Variants in TRAF2 observed in about 807,000 individuals in gnomAD.
The protein encoded by TRAF2 is TNF receptor associated factor 2, also known as TNF receptor-associated factor 2.
TRAF2 carries 6 observed loss-of-function variants against 55.6 expected under a neutral mutation model. The ratio of observed to expected loss-of-function variants is 0.11; its 90% confidence interval spans 0.06 to 0.21. The LOEUF (loss-of-function observed/expected upper bound fraction) is 0.21. Among genes scored for constraint, TRAF2 ranks in the 10% least tolerant of loss-of-function variants. The probability of loss-of-function intolerance (pLI) is 1.00; values close to 1 mark genes in which losing one functional copy is unlikely to be tolerated. For synonymous variants in TRAF2, 329 were observed against 276.3 expected (o/e 1.19, Z -1.89); for missense variants, 561 against 684.5 (o/e 0.82, Z 2.01).
chr9:136,921,142 C>G lies in TRAF2; in HGVS notation c.1065C>G (p.Ile355Met), dbSNP rs1193136555. The change falls in exon 9 of 11, where the codon ATC (isoleucine) becomes ATG (methionine). Residue 355 changes from isoleucine (I) to methionine (M), a missense_variant. Coordinates refer to ENST00000247668, the MANE Select transcript of TRAF2 (RefSeq NM_021138.4). ...CATCCACCTACGATGGGGTCTTCAT[C>G]TGGAAGATCTCAGACTTCGCCAGGA... ...MEASTYDGVF[I>M]WKISDFARKR... 3 of 1,614,100 alleles carry G rather than the reference C, an allele frequency of 1.9e-6. No homozygotes were observed. The highest frequency in any genetic ancestry group is 1.3e-5 in the African/African-American group (1 of 75,060).
intron 1 of TRAF2, among the ~76,000 whole-genome samples, chr9:136,890,049 C>T (rs933972332): frequency 6.9e-5 from 10 of 145,232 alleles, no homozygotes; most frequent in African/African-American, 2.6e-4. Context: ...CCCCCCCGCA[C>T]GCTCGTTCAG....
At position 136,908,096 on chromosome 9, in the gene TRAF2, C is replaced by G; in HGVS notation, c.393C>G (p.Leu131=). The change falls in exon 5 of 11, where the codon CTC becomes CTG. Residue 131 remains leucine, a synonymous_variant. Coordinates refer to ENST00000247668, the MANE Select transcript of TRAF2 (RefSeq NM_021138.4). ...YESCHEGRCP[L]MLTECPACKG... ...GCTGCCACGAAGGCCGCTGCCCGCT[C>G]ATGCTGACCGAATGTCCCGCGTGCA... The G allele has an allele frequency of 6.2e-7, 1 of 1,605,826 alleles. No individual in the cohort carries two copies. Among genetic ancestry groups the G allele is most frequent in the Non-Finnish European group, 8.5e-7 (1 of 1,179,788 alleles).
chr9:136,908,665 G>C (rs1850018883), intron 5 of TRAF2, among the ~76,000 whole-genome samples: 1 of 152,138 alleles, frequency 6.6e-6, no homozygotes, highest in South Asian at 2.1e-4. Flanking sequence ...AGGAGCTCGA[G>C]ACCATCCTGG....
chr9:136,887,856 A>G (rs764721889), intron 1 of TRAF2, among the ~76,000 whole-genome samples: 11 of 152,256 alleles, frequency 7.2e-5, no homozygotes, highest in Non-Finnish European at 1.5e-4. Flanking sequence ...ATGGGGTTAC[A>G]TATAAAATTG....
At chr9:136,902,392 G>T (rs1337604229) in intron 4 of TRAF2, 1 of 152,384 alleles carries the variant, frequency 6.6e-6, no homozygotes, top group Non-Finnish European at 1.5e-5. Context: ...GTGTCTGGGG[G>T]ACAGGTGGGA....
At chr9:136,907,480 T>C (rs10119096) in intron 4 of TRAF2, among the ~76,000 whole-genome samples, 116,165 of 152,234 alleles carry the variant, frequency 0.76, 44,588 homozygotes, top group East Asian at 0.87. Flanking sequence ...GCGTGTGCTG[T>C]GCAGCTAGAC....
rs1235601013 is a variant in TRAF2 at position 136,920,326 on chromosome 9, C to T, written c.771C>T (p.Leu257=). ...LLSSVLEAKP[L]LGDQSHAGSE... is the part of the protein sequence containing the mutation. The stretch of plus-strand genomic sequence containing the variant: ...GCTCGGTGCTGGAGGCAAAGCCCCT[C>T]TTGGGAGACCAGAGCCACGCGGGGT... The change falls in exon 8 of 11, where the codon CTC becomes CTT. Residue 257 remains leucine, a synonymous_variant. Transcript: ENST00000247668. 1.9e-6 allele frequency: 3 copies of T among 1,614,054 alleles called. No individual in the cohort carries two copies. The highest frequency in any genetic ancestry group is 3.3e-5 in the Admixed American group (2 of 60,030).
chr9:136,904,531 G>A (rs914041003), intron 4 of TRAF2, among the ~76,000 whole-genome samples: 3 of 151,960 alleles, frequency 2.0e-5, no homozygotes, highest in African/African-American at 4.8e-5. Context: ...TCAGCCTCCC[G>A]AGTAGCTAGG....
intron 4 of TRAF2, among the ~76,000 whole-genome samples, chr9:136,903,669 GTTTT>G (rs1211019770): frequency 6.6e-6 from 1 of 151,520 alleles, no homozygotes. Flanking sequence ...CAAGAGAAAG[GTTTT>G]TTTTGTTTGT....
intron 4 of TRAF2, among the ~76,000 whole-genome samples, chr9:136,901,497 A>G (rs1849819394): frequency 6.6e-6 from 1 of 152,228 alleles, no homozygotes; most frequent in African/African-American, 2.4e-5. Flanking sequence ...GCTGAGTGAC[A>G]TGAGCCAGTT....
rs1849766432 is a variant in TRAF2, at chr9:136,899,537, TTTGTTTTTTGCATTAGGTTTCACAGTGGG to T, written c.189-45_189-17del. 2.6e-6 allele frequency: 4 copies of T among 1,537,738 alleles called. No homozygotes were observed. The Admixed American group carries it at 7.3e-5, about 28-fold the overall frequency. ...GGTTTTTGAACTGAAGCAAATGGTG[TTTGTTTTTTGCATTAGGTTTCACAGTGGG>T]TTGTTTTTTGCCTTTTTTCCCCACT... is the stretch of plus-strand genomic sequence containing the variant. On this transcript the variant is annotated intron_variant, in intron 2 of 10. Transcript: ENST00000247668.
chr9:136,900,191 G>A (rs1849784602), intron 3 of TRAF2, among the ~76,000 whole-genome samples: 1 of 150,708 alleles, frequency 6.6e-6, no homozygotes, highest in African/African-American at 2.4e-5. Flanking sequence ...AAGAATAAAG[G>A]GCCGCCAGAA....
rs149167081 is a variant in TRAF2, at chr9:136,919,042, A to ATATATATTTATTTATTTATT, written c.679-1189_679-1188insATATTTATTTATTTATTTAT. Among the ~76,000 whole-genome samples the ATATATATTTATTTATTTATT allele has an allele frequency of 1.5e-3, 202 of 138,380 alleles. 1 individual carries two copies. The highest frequency in any genetic ancestry group is 5.2e-3 in the African/African-American group (190 of 36,588). 90.8% of individuals were successfully genotyped at this position (138,380 alleles called of 152,430 possible). A position where few individuals can be genotyped will look rare whatever the true frequency, so the allele number is the denominator to read the frequency against. On this transcript the variant is annotated intron_variant, in intron 7 of 10. Coordinates refer to ENST00000247668, the MANE Select transcript of TRAF2 (RefSeq NM_021138.4). ...GAGCCACTGCACCTGGCCTATTTTA[A>ATATATATTTATTTATTTATT]TATTTATTTATTTATTTATTTATTT...
At chr9:136,915,681 C>T (rs1405894236) in intron 6 of TRAF2, among the ~76,000 whole-genome samples, 1 of 152,118 alleles carries the variant, frequency 6.6e-6, no homozygotes, top group Non-Finnish European at 1.5e-5. Flanking sequence ...TGGCAAGGGA[C>T]AGCAGAGCCT....
At chr9:136,920,202 G>C (rs1231481427) in intron 7 of TRAF2, 32 bp from the exon 8 acceptor site, 1 of 1,574,834 alleles carries the variant, frequency 6.3e-7, no homozygotes. Context: ...ATGGTGGATG[G>C]AGCCAGCAGC....
chr9:136,895,850 GAAAAAAA>G (rs56199191), intron 1 of TRAF2, among the ~76,000 whole-genome samples: 3,413 of 132,904 alleles, frequency 0.026, 60 homozygotes, highest in Middle Eastern at 0.12. Flanking sequence ...TCTGTTTAAG[GAAAAAAA>G]AAAAAAAAAA....
upstream of TRAF2, among the ~76,000 whole-genome samples, chr9:136,882,496 T>C (rs1386678613): frequency 2.0e-5 from 3 of 152,242 alleles, no homozygotes; most frequent in African/African-American, 7.2e-5. Context: ...GGACAGCAGC[T>C]GCATGTGTCC....
At position 136,898,827 on chromosome 9, in the gene TRAF2, A is replaced by T. The variant is rs1173658899; in HGVS notation, c.87A>T (p.Glu29Asp). The T allele has an allele frequency of 6.2e-7, 1 of 1,613,764 alleles. No individual in the cohort carries two copies. Among genetic ancestry groups the T allele is most frequent in the Non-Finnish European group, 8.5e-7 (1 of 1,180,042 alleles). Reference sequence around the variant, plus strand: ...AGACCCTCCTGGGGACCAAGCTGGAAGCCAAGTACCTGTGCTCCGCCTGCA... The same window carrying T: ...AGACCCTCCTGGGGACCAAGCTGGATGCCAAGTACCTGTGCTCCGCCTGCA... ...FSKTLLGTKL[E>D]AKYLCSACRN... The change falls in exon 2 of 11, where the codon GAA becomes GAT. Residue 29 changes from glutamate to aspartate, a missense_variant. By Grantham distance (45) the Glu-to-Asp change is conservative (BLOSUM62 2). Coordinates refer to ENST00000247668, the MANE Select transcript of TRAF2 (RefSeq NM_021138.4).
chr9:136,906,392 G>A (rs1287837818), intron 4 of TRAF2, among the ~76,000 whole-genome samples: 2 of 152,052 alleles, frequency 1.3e-5, no homozygotes, highest in Non-Finnish European at 1.5e-5. Context: ...GAAGGCAAAG[G>A]AGGAGAAAGG....
Sources: gnomAD v4.1 joint callset for allele counts (sites outside exome capture counted in the v4.1 genomes callset) on GRCh38, gnomAD v4.1.1 for gene constraint, MANE v1.5 for transcripts, NCBI Gene and HGNC (gene_info 2026-07-23, HGNC 2026-07-21) for gene names.